The following SETD7 variants were observed in gnomAD, a reference collection of about 807,000 sequenced individuals.
The protein encoded by SETD7 is SET domain containing 7, histone lysine methyltransferase.
In SETD7, 16 loss-of-function variants were observed where a neutral mutation model predicts 41.8. The observed-to-expected ratio is 0.38, with a 90% CI of 0.26 to 0.58. The LOEUF is 0.58. Ranked by LOEUF, SETD7 falls within the 20% of genes least tolerant of loss-of-function variation. The pLI, the probability that SETD7 is intolerant of heterozygous loss-of-function variation, is 0.64. For missense variants in SETD7, 346 were observed against 459.7 expected, an observed-to-expected ratio of 0.75 and a Z score of 2.26; for synonymous variants, 163 against 169.7, an observed-to-expected ratio of 0.96 and a Z score of 0.31.
intron 7 of SETD7, among the ~76,000 whole-genome samples, chr4:139,497,090 A>T (rs1251685852): frequency 2.0e-5 from 3 of 152,200 alleles, no homozygotes; most frequent in Admixed American, 6.5e-5. Flanking sequence ...TTAAAAGATA[A>T]ACCAGTTTTG....
Position 139,555,977 on chromosome 4 carries a change from C to T in SETD7, c.40+121G>A, listed in dbSNP as rs78942805. The T allele has an allele frequency of 1.1e-6, 1 of 909,682 alleles. No homozygotes were observed. The highest frequency in any genetic ancestry group is 3.4e-5 in the East Asian group (1 of 29,118). The allele number at this position is 909,682 out of a possible 1,614,324, so 56.4% of individuals were successfully genotyped here. On this transcript the variant is annotated intron_variant, in intron 1 of 7. Coordinates refer to ENST00000274031, the MANE Select transcript of SETD7 (RefSeq NM_030648.4). The surrounding 1 kb of genome is among the most constrained non-coding windows in gnomAD (Gnocchi z 4.0). The stretch of plus-strand genomic sequence containing the variant: ...CCCCCGCCCGAGCCGGGCAACCGGC[C>T]ACCCGTGTAGGGGACAGTGGCGGCC...
intron 2 of SETD7, chr4:139,546,191 A>G (rs1165550050): frequency 6.5e-6 from 1 of 153,946 alleles, no homozygotes; most frequent in East Asian, 1.9e-4. Context: ...GGAAAATCAT[A>G]GTTCTGACAT....
intron 4 of SETD7, among the ~76,000 whole-genome samples, chr4:139,526,363 G>C (rs899280060): frequency 6.7e-6 from 1 of 150,358 alleles, no homozygotes; most frequent in East Asian, 1.9e-4. Flanking sequence ...CTGACTTCCT[G>C]AGCTCACGTG....
chr4:139,549,981 T>C (rs562392492), intron 1 of SETD7, among the ~76,000 whole-genome samples: 1 of 152,060 alleles, frequency 6.6e-6, no homozygotes, highest in Non-Finnish European at 1.5e-5. Context: ...GGTTTCACTA[T>C]ATTGGCCAGG....
chr4:139,496,295 G>T, exon 8 of SETD7: 1 of 677,158 alleles, frequency 1.5e-6, no homozygotes, highest in Non-Finnish European at 2.7e-6. Flanking sequence ...GGAAGCCTAT[G>T]TTCTGACAAT....
At chr4:139,513,825 G>A (rs1726947108) in intron 7 of SETD7, among the ~76,000 whole-genome samples, 1 of 152,190 alleles carries the variant, frequency 6.6e-6, no homozygotes, top group Non-Finnish European at 1.5e-5. Context: ...TACAGTGCCT[G>A]GCACAAAGTA....
chr4:139,514,828 T>C (rs1726980428), intron 7 of SETD7, among the ~76,000 whole-genome samples: 1 of 152,228 alleles, frequency 6.6e-6, no homozygotes. Flanking sequence ...TTGTACTAGA[T>C]TGCGTTTCAA....
intron 2 of SETD7, among the ~76,000 whole-genome samples, chr4:139,537,811 G>A (rs1381582205): frequency 6.6e-6 from 1 of 152,188 alleles, no homozygotes; most frequent in African/African-American, 2.4e-5. Context: ...AATTCGATAT[G>A]CATACAGGCT....
chr4:139,554,102 A>G (rs1481269131), intron 1 of SETD7, among the ~76,000 whole-genome samples: 1 of 152,186 alleles, frequency 6.6e-6, no homozygotes, highest in African/African-American at 2.4e-5. Flanking sequence ...TGTGTCCCAG[A>G]TTGCCCCAGA....
At chr4:139,525,311 A>G (rs1448845662) in intron 4 of SETD7, among the ~76,000 whole-genome samples, 1 of 152,192 alleles carries the variant, frequency 6.6e-6, no homozygotes, top group Non-Finnish European at 1.5e-5. Context: ...CAGGGAGTGC[A>G]CACTATCTCT....
At chr4:139,544,706 G>A (rs145947956) in intron 2 of SETD7, among the ~76,000 whole-genome samples, 19 of 152,172 alleles carry the variant, frequency 1.2e-4, no homozygotes, top group African/African-American at 4.6e-4. Flanking sequence ...AAAGCAAGCA[G>A]GTAACCAACA....
downstream of SETD7, among the ~76,000 whole-genome samples, chr4:139,504,829 T>G (rs1560671847): frequency 6.6e-6 from 1 of 152,204 alleles, no homozygotes; most frequent in Non-Finnish European, 1.5e-5. Flanking sequence ...TCTTAACCCA[T>G]GAAAGTTGCC....
chr4:139,521,040 G>C (rs1184351407), intron 5 of SETD7, among the ~76,000 whole-genome samples: 3 of 152,170 alleles, frequency 2.0e-5, no homozygotes, highest in Admixed American at 1.3e-4. Context: ...AGGCAGAATT[G>C]AGTAGTTGCA....
In SETD7 at chr4:139,508,737, G is replaced by A. The variant is rs1459953758; in HGVS notation, c.*2926C>T. 2.6e-5 allele frequency: 4 copies of A among 152,122 alleles called. No individual in the cohort carries two copies. The highest frequency in any genetic ancestry group is 7.2e-5 in the African/African-American group (3 of 41,426). 9.4% of individuals were successfully genotyped at this position (152,122 alleles called of 1,614,324 possible). A position where few individuals can be genotyped will look rare whatever the true frequency, so the allele number is the denominator to read the frequency against. ...ATGCGATGAAATGACCAGATGCAGC[G>A]GCTTCCTGACACATTTCCTTCCCCA... On this transcript the variant is annotated 3_prime_UTR_variant, in exon 8 of 8. Coordinates refer to ENST00000274031, the MANE Select transcript of SETD7 (RefSeq NM_030648.4).
intron 6 of SETD7, among the ~76,000 whole-genome samples, 173 bp downstream of exon 6, chr4:139,520,104 T>A (rs557723226): frequency 9.3e-4 from 141 of 152,158 alleles, no homozygotes; most frequent in African/African-American, 3.1e-3. Context: ...CTGGAACTTT[T>A]AAAAAAAATC....
chr4:139,554,549 T>C (rs1728203178), intron 1 of SETD7, among the ~76,000 whole-genome samples: 1 of 152,236 alleles, frequency 6.6e-6, no homozygotes, highest in African/African-American at 2.4e-5. Context: ...TTTTAACTTC[T>C]CAGAAGGCTC....
chr4:139,537,033 C>G (rs976935924), intron 2 of SETD7, among the ~76,000 whole-genome samples: 1 of 152,012 alleles, frequency 6.6e-6, no homozygotes, highest in African/African-American at 2.4e-5. Flanking sequence ...TGGAGTGCAA[C>G]GGCACAATCT....
chr4:139,542,181 C>T (rs999378924), intron 2 of SETD7, among the ~76,000 whole-genome samples: 6 of 152,124 alleles, frequency 3.9e-5, no homozygotes, highest in Non-Finnish European at 8.8e-5. Context: ...TGTGGGGAAT[C>T]TGAAAAAGCT....
intron 7 of SETD7, among the ~76,000 whole-genome samples, chr4:139,514,324 A>G (rs966416865): frequency 2.6e-5 from 4 of 152,162 alleles, no homozygotes; most frequent in Non-Finnish European, 5.9e-5. Flanking sequence ...CACTAAAAAA[A>G]ATGTTCCTGA....
Sources: gnomAD v4.1 joint callset for allele counts (sites outside exome capture counted in the v4.1 genomes callset) on GRCh38, gnomAD v4.1.1 for gene constraint, Gnocchi (gnomAD v3.1) non-coding constraint, MANE v1.5 for transcripts, NCBI Gene and HGNC (gene_info 2026-07-23, HGNC 2026-07-21) for gene names.